Variants in PRKN observed in about 807,000 individuals in gnomAD.
The protein encoded by PRKN is parkin RBR E3 ubiquitin protein ligase.
A neutral mutation model predicts 59.5 loss-of-function variants in PRKN; 56 were observed. That is an observed-to-expected ratio of 0.94 (90% CI 0.76 to 1.18). The LOEUF (loss-of-function observed/expected upper bound fraction) is 1.18. PRKN is among the 50% of genes most tolerant of loss of function. The pLI, the probability that PRKN is intolerant of heterozygous loss-of-function variation, is 0.00. For missense variants in PRKN, 657 were observed against 596.4 expected, an observed-to-expected ratio of 1.10 and a Z score of -1.06; for synonymous variants, 250 against 222.1, an observed-to-expected ratio of 1.13 and a Z score of -1.12.
At chr6:162,605,540 T>C (rs1272683948) in intron 1 of PRKN, among the ~76,000 whole-genome samples, 4 of 152,080 alleles carry the variant, frequency 2.6e-5, no homozygotes, top group Non-Finnish European at 5.9e-5. Context: ...GAACTCAAAA[T>C]ACTAAAGACA....
rs952420722 is a variant in PRKN, at chr6:161,777,837, C to T, written c.871+7935G>A. ...ATATGTGTATATATGTATATGTATACGTATATATGTATATATGTGTATATA... is the reference window on the plus strand; with the variant it reads ...ATATGTGTATATATGTATATGTATATGTATATATGTATATATGTGTATATA... On this transcript the variant is annotated intron_variant, in intron 7 of 11. Transcript: ENST00000366898. Among the ~76,000 whole-genome samples, 7 of 134,744 alleles carry T rather than the reference C, an allele frequency of 5.2e-5. No homozygotes were observed. The East Asian group carries it at 6.4e-4, about 12-fold the overall frequency. The allele number at this position is 134,744 out of a possible 152,430, so 88.4% of individuals were successfully genotyped here. A position where few individuals can be genotyped will look rare whatever the true frequency, so the allele number is the denominator to read the frequency against.
intron 1 of PRKN, among the ~76,000 whole-genome samples, chr6:162,661,047 AG>A (rs1171810485): frequency 2.0e-5 from 3 of 152,254 alleles, no homozygotes; most frequent in Non-Finnish European, 4.4e-5. Flanking sequence ...GGATCACCTG[AG>A]GTCAGGAGTT....
intron 1 of PRKN, among the ~76,000 whole-genome samples, chr6:162,707,747 A>C (rs1009539262): frequency 6.6e-6 from 1 of 151,994 alleles, no homozygotes; most frequent in African/African-American, 2.4e-5. Context: ...GCTAATTTTT[A>C]TATTTTTAGT....
At chr6:162,723,424 A>G (rs1779010204) in intron 1 of PRKN, among the ~76,000 whole-genome samples, 1 of 152,174 alleles carries the variant, frequency 6.6e-6, no homozygotes, top group Non-Finnish European at 1.5e-5. Context: ...CACCAAGGAC[A>G]GTTGTGCAGC....
chr6:161,874,460 G>A (rs1383832736), intron 6 of PRKN, among the ~76,000 whole-genome samples: 7 of 54,630 alleles, frequency 1.3e-4, no homozygotes, highest in South Asian at 5.8e-4. Context: ...TATATTATAT[G>A]TAAAATATAT....
intron 1 of PRKN, among the ~76,000 whole-genome samples, chr6:162,475,818 C>A: frequency 6.6e-6 from 1 of 152,254 alleles, no homozygotes; most frequent in Non-Finnish European, 1.5e-5. Context: ...GTGGCGCAAT[C>A]TCAGCTCACT....
intron 7 of PRKN, among the ~76,000 whole-genome samples, chr6:161,706,350 G>T (rs916212336): frequency 6.6e-6 from 1 of 152,148 alleles, no homozygotes; most frequent in South Asian, 2.1e-4. Flanking sequence ...GGAAACTGTC[G>T]CTGACTGGCC....
At chr6:162,604,693 TCTC>T (rs1259019698) in intron 1 of PRKN, among the ~76,000 whole-genome samples, 8 of 136,994 alleles carry the variant, frequency 5.8e-5, no homozygotes, top group Non-Finnish European at 1.2e-4. Context: ...TTTCTTTCTC[TCTC>T]CTTTTTTTTT....
chr6:162,408,452 A>G (rs1200028805), intron 2 of PRKN, among the ~76,000 whole-genome samples: 2 of 152,308 alleles, frequency 1.3e-5, no homozygotes, highest in Middle Eastern at 3.4e-3. Flanking sequence ...AGGAATTATT[A>G]CAAGTGGTAT....
rs924064394 is a variant in PRKN, at chr6:161,445,672, C to T, written c.1084-58795G>A. Among the ~76,000 whole-genome samples, 2 of 152,176 alleles carry T rather than the reference C, an allele frequency of 1.3e-5. No individual in the cohort carries two copies. The highest frequency in any genetic ancestry group is 2.9e-5 in the Non-Finnish European group (2 of 68,032). On this transcript the variant is annotated intron_variant, in intron 9 of 11. Coordinates refer to ENST00000366898, the MANE Select transcript of PRKN (RefSeq NM_004562.3). This position sits in a 1 kb window ranked among gnomAD's most constrained non-coding sequence, Gnocchi z 7.7. ...ATGATAGAGGCCAGCTGCCCCGCAC[C>T]AGGTCTGCGTGTCACAGGGCAGAGT... is the stretch of plus-strand genomic sequence containing the variant.
At chr6:161,897,557 A>T (rs1179652518) in intron 6 of PRKN, among the ~76,000 whole-genome samples, 1 of 152,200 alleles carries the variant, frequency 6.6e-6, no homozygotes, top group Non-Finnish European at 1.5e-5. Flanking sequence ...ATTTCAAATG[A>T]TAAATAACAG....
intron 2 of PRKN, among the ~76,000 whole-genome samples, chr6:162,365,392 A>G (rs957758616): frequency 2.0e-5 from 3 of 152,098 alleles, no homozygotes; most frequent in Non-Finnish European, 1.5e-5. Context: ...GTATTTAACC[A>G]TTCCCCTACT....
intron 2 of PRKN, among the ~76,000 whole-genome samples, chr6:162,336,494 C>G (rs1455756571): frequency 6.6e-6 from 1 of 152,108 alleles, no homozygotes; most frequent in Non-Finnish European, 1.5e-5. Flanking sequence ...AGATTCACAC[C>G]ATAATGCTAA....
Position 161,451,977 on chromosome 6 carries a change from A to T in PRKN, c.1084-65100T>A, listed in dbSNP as rs1239438074. 7.0e-6 allele frequency among the ~76,000 whole-genome samples: 1 copy of T among 143,320 alleles called. No individual in the cohort carries two copies. The highest frequency in any genetic ancestry group is 2.6e-5 in the African/African-American group (1 of 38,312). The allele number at this position is 143,320 out of a possible 152,430, so 94.0% of individuals were successfully genotyped here. A position where few individuals can be genotyped will look rare whatever the true frequency, so the allele number is the denominator to read the frequency against. On this transcript the variant is annotated intron_variant, in intron 9 of 11. Coordinates refer to ENST00000366898, the MANE Select transcript of PRKN (RefSeq NM_004562.3). This position sits in a 1 kb window ranked among gnomAD's most constrained non-coding sequence, Gnocchi z 5.9. Reference sequence around the variant, plus strand: ...TTTTCTTTTCTTTTCTTTTTTTGGGATGGAGTCTCACTCTGTTGCCCAGAC... The same window carrying T: ...TTTTCTTTTCTTTTCTTTTTTTGGGTTGGAGTCTCACTCTGTTGCCCAGAC...
chr6:161,565,637 G>C (rs950862286), intron 8 of PRKN, among the ~76,000 whole-genome samples: 4 of 152,116 alleles, frequency 2.6e-5, no homozygotes, highest in Non-Finnish European at 5.9e-5. Context: ...ATGATTGTAA[G>C]TTTCCTGAGG....
chr6:162,589,049 C>A (rs1257196914), intron 1 of PRKN, among the ~76,000 whole-genome samples: 1 of 152,154 alleles, frequency 6.6e-6, no homozygotes, highest in African/African-American at 2.4e-5. Context: ...AAGCACCCCA[C>A]CTTTGGGCAC....
At chr6:162,599,009 C>G (rs961798656) in intron 1 of PRKN, among the ~76,000 whole-genome samples, 1 of 152,130 alleles carries the variant, frequency 6.6e-6, no homozygotes, top group Non-Finnish European at 1.5e-5. Context: ...TACTCCTATA[C>G]TGAAAGAGCT....
In PRKN at chr6:161,445,972, G is replaced by A. The variant is rs116614249; in HGVS notation, c.1084-59095C>T. 2.9e-3 allele frequency among the ~76,000 whole-genome samples: 435 copies of A among 152,208 alleles called. 1 individual carries two copies. The highest frequency in any genetic ancestry group is 0.01 in the African/African-American group (422 of 41,532). ...AGAGGGCAGCAGCATAAACAAAGAGGAGAGGCAAACTGTTTGAGCCCAGGA... is the reference window on the plus strand; with the variant it reads ...AGAGGGCAGCAGCATAAACAAAGAGAAGAGGCAAACTGTTTGAGCCCAGGA... On this transcript the variant is annotated intron_variant, in intron 9 of 11. Transcript: ENST00000366898. This position sits in a 1 kb window ranked among gnomAD's most constrained non-coding sequence, Gnocchi z 7.7.
Position 161,502,190 on chromosome 6 carries a change from C to T in PRKN, c.1083+46664G>A, listed in dbSNP as rs1397417562. Among the ~76,000 whole-genome samples the T allele has an allele frequency of 6.6e-6, 1 of 152,184 alleles. No homozygotes were observed. Among genetic ancestry groups the T allele is most frequent in the African/African-American group, 2.4e-5 (1 of 41,438 alleles). ...TGTCCATTTTGGGCCATGCACTGCA[C>T]ATGCTTATCATTAGTCAATTGATTA... On this transcript the variant is annotated intron_variant, in intron 9 of 11. Coordinates refer to ENST00000366898, the MANE Select transcript of PRKN (RefSeq NM_004562.3). This position sits in a 1 kb window ranked among gnomAD's most constrained non-coding sequence, Gnocchi z 4.0.
Sources: gnomAD v4.1 joint callset for allele counts (sites outside exome capture counted in the v4.1 genomes callset) on GRCh38, gnomAD v4.1.1 for gene constraint, Gnocchi (gnomAD v3.1) non-coding constraint, MANE v1.5 for transcripts, NCBI Gene and HGNC (gene_info 2026-07-23, HGNC 2026-07-21) for gene names.